The following SH2D1A variants were observed in gnomAD, a reference collection of about 807,000 sequenced individuals.
The protein encoded by SH2D1A is SH2 domain containing 1A.
A neutral mutation model predicts 10.1 loss-of-function variants in SH2D1A; 6 were observed. The observed-to-expected ratio is 0.60, with a 90% CI of 0.33 to 1.18. SH2D1A has a LOEUF of 1.18. Ranked by LOEUF, SH2D1A falls within the 50% of genes most tolerant of loss-of-function variation. The pLI is 0.04. For synonymous variants in SH2D1A, 42 were observed against 36.9 expected (o/e 1.14, Z -0.51); for missense variants, 51 against 97.6 (o/e 0.52, Z 2.01).
At chrX:124,355,263 T>C (rs1020252963) in intron 1 of SH2D1A, among the ~76,000 whole-genome samples, 16 of 88,644 alleles carry the variant, frequency 1.8e-4, no homozygotes, top group Non-Finnish European at 3.5e-4. Context: ...ACTGACCCAC[T>C]GAGAAAATAA....
At chrX:124,352,260 T>G (rs2060016932) in intron 1 of SH2D1A, among the ~76,000 whole-genome samples, 2 of 111,589 alleles carry the variant, frequency 1.8e-5, no homozygotes, top group Non-Finnish European at 3.8e-5. Flanking sequence ...ACTTCCATTC[T>G]TCATTGATTT....
chrX:124,348,502 C>T (rs766661317), intron 1 of SH2D1A, among the ~76,000 whole-genome samples: 1 of 111,509 alleles, frequency 9.0e-6, no homozygotes, highest in Non-Finnish European at 1.9e-5. Context: ...CTTAGGATTT[C>T]TGCGCTTATT....
intron 1 of SH2D1A, among the ~76,000 whole-genome samples, chrX:124,351,477 T>C (rs904743518): frequency 9.0e-5 from 10 of 110,851 alleles, no homozygotes; most frequent in Non-Finnish European, 1.5e-4. Flanking sequence ...TCTTGATATA[T>C]ACATGATCAT....
chrX:124,347,085 T>C (rs1224181718), intron 1 of SH2D1A, among the ~76,000 whole-genome samples: 1 of 111,429 alleles, frequency 9.0e-6, no homozygotes, highest in African/African-American at 3.3e-5. Context: ...TTACCTTCGC[T>C]CCGGGAAAGA....
chrX:124,365,903 TTATACATTATTAAGTATTCATAAG>T, intron 2 of SH2D1A, 79 bp downstream of exon 2: 1 of 604,032 alleles, frequency 1.7e-6, no homozygotes, highest in Non-Finnish European at 2.9e-6. Flanking sequence ...AAAGAGCAAA[TTATACATTATTAAGTATTCATAAG>T]GTTTAAATCT....
At chrX:124,367,947 T>A (rs1280186270) in intron 2 of SH2D1A, among the ~76,000 whole-genome samples, 3 of 111,999 alleles carry the variant, frequency 2.7e-5, no homozygotes, top group South Asian at 3.8e-4. Flanking sequence ...TTACTGGGTA[T>A]ATGATCAGGA....
rs1198635573 is a variant in SH2D1A at position 124,372,281 on chromosome X, A to G, written c.*890A>G. The G allele has an allele frequency of 6.0e-6, 1 of 166,754 alleles. No individual in the cohort carries two copies. Among genetic ancestry groups the G allele is most frequent in the Non-Finnish European group, 1.1e-5 (1 of 87,021 alleles). 13.7% of individuals were successfully genotyped at this position (166,754 alleles called of 1,213,427 possible). ...AAAAAATTCCAAGTGATTGAAACCTACACGAGATACAGAATTTTATGCGGC... is the reference window on the plus strand; with the variant it reads ...AAAAAATTCCAAGTGATTGAAACCTGCACGAGATACAGAATTTTATGCGGC... On this transcript the variant is annotated 3_prime_UTR_variant, in exon 4 of 4. Coordinates refer to ENST00000371139, the MANE Select transcript of SH2D1A (RefSeq NM_002351.5).
intron 1 of SH2D1A, among the ~76,000 whole-genome samples, chrX:124,362,924 C>T (rs2060043600): frequency 9.0e-6 from 1 of 111,052 alleles, no homozygotes. Context: ...CTTATTACAA[C>T]AGAAAAGGCT....
chrX:124,365,424 T>C (rs142239347), intron 1 of SH2D1A, among the ~76,000 whole-genome samples: 2,339 of 110,812 alleles, frequency 0.021, 76 homozygotes, highest in African/African-American at 0.073. Context: ...TATTGTTTGT[T>C]AAAACTATCT....
Position 124,371,483 on chromosome X carries a change from A to G in SH2D1A, c.*92A>G. 1 of 587,966 alleles carries G rather than the reference A, an allele frequency of 1.7e-6. No individual in the cohort carries two copies. Among genetic ancestry groups the G allele is most frequent in the Non-Finnish European group, 2.7e-6 (1 of 374,360 alleles). 48.5% of individuals were successfully genotyped at this position (587,966 alleles called of 1,213,427 possible). On this transcript the variant is annotated 3_prime_UTR_variant, in exon 4 of 4. Transcript: ENST00000371139. ...AGATAATACAGTTCGGTGAGCTACA[A>G]ATGCATTTCTAAAGCCATTGTAGTC...
chrX:124,352,135 G>A (rs2060016671), intron 1 of SH2D1A, among the ~76,000 whole-genome samples: 1 of 111,005 alleles, frequency 9.0e-6, no homozygotes, highest in South Asian at 3.7e-4. Context: ...GGTTTTGTTA[G>A]TTTACATTTA....
chrX:124,351,790 C>T (rs1374113019), intron 1 of SH2D1A, among the ~76,000 whole-genome samples: 1 of 110,701 alleles, frequency 9.0e-6, no homozygotes, highest in Admixed American at 9.7e-5. Flanking sequence ...TAAACACACT[C>T]TATGTGTATA....
At chrX:124,356,427 A>G (rs911545731) in intron 1 of SH2D1A, among the ~76,000 whole-genome samples, 9 of 111,781 alleles carry the variant, frequency 8.1e-5, no homozygotes, top group Admixed American at 2.9e-4. Flanking sequence ...GAATTTTGGC[A>G]TAAGATTTTA....
At chrX:124,360,445 TAAAAAA>T (rs752399450) in intron 1 of SH2D1A, among the ~76,000 whole-genome samples, 4 of 31,982 alleles carry the variant, frequency 1.3e-4, no homozygotes, top group Non-Finnish European at 2.1e-4. Flanking sequence ...CTGCAAAAAC[TAAAAAA>T]AAAAAAAAAA....
At chrX:124,350,165 A>G (rs1238606370) in intron 1 of SH2D1A, among the ~76,000 whole-genome samples, 1 of 72,697 alleles carries the variant, frequency 1.4e-5, no homozygotes, top group East Asian at 3.8e-4. Context: ...ATTTATATAT[A>G]TATAAATATC....
chrX:124,366,937 G>A (rs780761489), intron 2 of SH2D1A, among the ~76,000 whole-genome samples: 12 of 103,369 alleles, frequency 1.2e-4, no homozygotes, highest in East Asian at 3.2e-4. Flanking sequence ...ATATTATTTC[G>A]CCAGAAATAG....
At chrX:124,364,856 A>G (rs1053840009) in intron 1 of SH2D1A, among the ~76,000 whole-genome samples, 2 of 111,265 alleles carry the variant, frequency 1.8e-5, no homozygotes, top group African/African-American at 6.5e-5. Flanking sequence ...TTCACTCACC[A>G]CTCACTCATT....
chrX:124,367,148 T>C (rs1017865182), intron 2 of SH2D1A, among the ~76,000 whole-genome samples: 19 of 112,336 alleles, frequency 1.7e-4, no homozygotes, highest in African/African-American at 6.1e-4. Context: ...CTCATCCTGT[T>C]GTCTGATCTG....
chrX:124,354,774 C>G (rs2060022597), intron 1 of SH2D1A, among the ~76,000 whole-genome samples: 1 of 112,197 alleles, frequency 8.9e-6, no homozygotes, highest in South Asian at 3.7e-4. Flanking sequence ...AAAGTTAGAA[C>G]ATCATAAGTA....
Sources: allele counts gnomAD v4.1 joint callset (sites outside exome capture counted in the v4.1 genomes callset), GRCh38; gene constraint gnomAD v4.1.1; transcripts MANE v1.5; gene names NCBI Gene and HGNC (gene_info 2026-07-23, HGNC 2026-07-21).